Variants in SP100 observed in about 807,000 individuals in gnomAD.
SP100 encodes nuclear autoantigen Sp-100.
In SP100, 84 loss-of-function variants were observed where a neutral mutation model predicts 130.0. The observed-to-expected ratio is 0.65, with a 90% CI of 0.54 to 0.77. The LOEUF (loss-of-function observed/expected upper bound fraction) is 0.77, where lower values mean the gene tolerates loss of function less well. Ranked by LOEUF, SP100 falls within the 30% of genes least tolerant of loss-of-function variation. The pLI is 0.00. For missense variants in SP100, 978 were observed against 1,052.2 expected (o/e 0.93, Z 0.97); for synonymous variants, 331 against 351.7 (o/e 0.94, Z 0.66).
intron 10 of SP100, 129 bp from the exon 11 acceptor site, chr2:230,463,938 G>T: frequency 3.3e-6 from 2 of 612,592 alleles, no homozygotes; most frequent in Non-Finnish European, 6.0e-6. Flanking sequence ...GACAAGCATG[G>T]CCTGTGTACA....
At chr2:230,452,159 T>C (rs1174591408) in intron 8 of SP100, among the ~76,000 whole-genome samples, 1 of 152,214 alleles carries the variant, frequency 6.6e-6, no homozygotes, top group Admixed American at 6.5e-5. Flanking sequence ...TGTTTTTCTA[T>C]TTCTCAAAAA....
Position 230,544,122 on chromosome 2 carries a change from C to T in SP100, c.*1176C>T, listed in dbSNP as rs1473607436. The T allele has an allele frequency of 1.3e-5, 2 of 152,156 alleles. No homozygotes were observed. The highest frequency in any genetic ancestry group is 2.4e-5 in the African/African-American group (1 of 41,442). The allele number at this position is 152,156 out of a possible 1,614,324, so 9.4% of individuals were successfully genotyped here. A position where few individuals can be genotyped will look rare whatever the true frequency, so the allele number is the denominator to read the frequency against. On this transcript the variant is annotated 3_prime_UTR_variant, in exon 29 of 29. Coordinates refer to ENST00000340126, the MANE Select transcript of SP100 (RefSeq NM_001080391.2). ...AGATTGAAGCTAGACCTCTTCCTTA[C>T]ACCATATACAAAAATCAACTCAAGA...
intron 22 of SP100, 40 bp from the exon 23 acceptor site, chr2:230,507,953 G>T (rs542850851): frequency 1.5e-5 from 24 of 1,599,482 alleles, no homozygotes; most frequent in Admixed American, 3.4e-5. Flanking sequence ...CAAAATAAAA[G>T]CAAGAACCCA....
chr2:230,439,902 T>C lies in SP100; in HGVS notation c.108-3035T>C, dbSNP rs975451402. On this transcript the variant is annotated intron_variant, in intron 2 of 28. Coordinates refer to ENST00000340126, the MANE Select transcript of SP100 (RefSeq NM_001080391.2). Reference sequence around the variant, plus strand: ...TTCCCTTGTTTTATCTCTCTAAAAATGCAAACTATGTCTGCTTTTTATTTT... The same window carrying C: ...TTCCCTTGTTTTATCTCTCTAAAAACGCAAACTATGTCTGCTTTTTATTTT... 4.6e-5 allele frequency among the ~76,000 whole-genome samples: 7 copies of C among 152,174 alleles called. 1 individual carries two copies. The highest frequency in any genetic ancestry group is 4.6e-4 in the Admixed American group (7 of 15,284).
Position 230,513,634 on chromosome 2 carries a change from T to G in SP100, c.2094+2468T>G, listed in dbSNP as rs554239385. Among the ~76,000 whole-genome samples, 5 of 152,274 alleles carry G rather than the reference T, an allele frequency of 3.3e-5. No individual in the cohort carries two copies. In the South Asian group the frequency reaches 8.3e-4, roughly 25 times the overall value. Reference sequence around the variant, plus strand: ...GGCTTATTCCAGGAGGTCATGTCCCTCGGTGGGGGAAAAAAACCTTGTTAT... The same window carrying G: ...GGCTTATTCCAGGAGGTCATGTCCCGCGGTGGGGGAAAAAAACCTTGTTAT... On this transcript the variant is annotated intron_variant, in intron 24 of 28. Transcript: ENST00000340126.
chr2:230,455,577 A>C (rs1356576572), intron 8 of SP100, among the ~76,000 whole-genome samples: 2 of 152,046 alleles, frequency 1.3e-5, no homozygotes, highest in African/African-American at 4.8e-5. Context: ...TCATTCAGCC[A>C]CTCTATGTCT....
chr2:230,516,054 C>G, intron 24 of SP100: 6 of 989,878 alleles, frequency 6.1e-6, no homozygotes, highest in Non-Finnish European at 7.2e-6. Context: ...GTTTTGTTGA[C>G]ATTCTGAATG....
chr2:230,527,098 A>G (rs1438782889), intron 24 of SP100, among the ~76,000 whole-genome samples: 1 of 152,178 alleles, frequency 6.6e-6, no homozygotes, highest in Non-Finnish European at 1.5e-5. Flanking sequence ...CTCCTTGAGA[A>G]GAGCAACCAG....
At chr2:230,515,065 T>C (rs1310538798) in intron 24 of SP100, 1 of 1,610,348 alleles carries the variant, frequency 6.2e-7, no homozygotes, top group Non-Finnish European at 8.5e-7. Context: ...TGAAATGTTA[T>C]CATATGCATT....
intron 1 of SP100, 59 bp downstream of exon 1, chr2:230,416,387 C>G (rs1046560689): frequency 7.5e-6 from 11 of 1,457,824 alleles, no homozygotes; most frequent in African/African-American, 1.4e-5. Flanking sequence ...AGCTTTCATG[C>G]CTTTAGTTCA....
chr2:230,522,476 C>CTTTT (rs750389091), intron 24 of SP100, among the ~76,000 whole-genome samples: 11,394 of 81,904 alleles, frequency 0.14, 2,583 homozygotes, highest in African/African-American at 0.31. Flanking sequence ...CCCCAGTGTT[C>CTTTT]TTTTTTTTTT....
Position 230,474,448 on chromosome 2 carries a change from G to A in SP100, c.1600+1G>A, listed in dbSNP as rs757860761. On this transcript the variant is annotated splice_donor_variant, in intron 17 of 28. Coordinates refer to ENST00000340126, the MANE Select transcript of SP100 (RefSeq NM_001080391.2). LOFTEE classifies it high-confidence loss of function. ...TTGGAAAAACACAGTGGGAAAAGAA[G>A]TAAGAACAAATAAGAATTTACTTAA... 6.5e-6 allele frequency: 9 copies of A among 1,384,752 alleles called. No homozygotes were observed. In the East Asian group the frequency reaches 9.3e-5, roughly 14 times the overall value. The allele number at this position is 1,384,752 out of a possible 1,614,324, so 85.8% of individuals were successfully genotyped here.
chr2:230,478,742 C>T (rs1437631312), intron 17 of SP100, among the ~76,000 whole-genome samples: 3 of 152,020 alleles, frequency 2.0e-5, no homozygotes, highest in Admixed American at 6.5e-5. Context: ...AATGTAAGCC[C>T]GTGGAGCTCA....
intron 24 of SP100, among the ~76,000 whole-genome samples, chr2:230,528,341 G>A (rs1450639781): frequency 2.0e-5 from 3 of 152,180 alleles, no homozygotes; most frequent in Non-Finnish European, 2.9e-5. Context: ...GGTAAATAAC[G>A]AAATGAAGGC....
In SP100 at chr2:230,498,657, T is replaced by C. The variant is rs140737421; in HGVS notation, c.1720+122T>C. 546 of 478,908 alleles carry C rather than the reference T, an allele frequency of 1.1e-3. 4 individuals carry two copies. Among genetic ancestry groups the C allele is most frequent in the African/African-American group, 0.011 (521 of 49,202 alleles). 29.7% of individuals were successfully genotyped at this position (478,908 alleles called of 1,614,324 possible). A position where few individuals can be genotyped will look rare whatever the true frequency, so the allele number is the denominator to read the frequency against. ...TTACTGTTGAGAAATATATCAGATG[T>C]AGTCAAGTTCCAAAATATGTCAGGG... On this transcript the variant is annotated intron_variant, in intron 19 of 28. Coordinates refer to ENST00000340126, the MANE Select transcript of SP100 (RefSeq NM_001080391.2).
At chr2:230,511,274 T>C (rs972178520) in intron 24 of SP100, 108 bp downstream of exon 24, 2 of 820,586 alleles carry the variant, frequency 2.4e-6, no homozygotes, top group African/African-American at 3.4e-5. Context: ...AGTTGGAGTA[T>C]GTTGCTGTGT....
chr2:230,496,511 T>A (rs1357550858), intron 18 of SP100, among the ~76,000 whole-genome samples: 1 of 152,176 alleles, frequency 6.6e-6, no homozygotes. Context: ...GGAATGGTCC[T>A]CATACTATAT....
rs1334523965 is a variant in SP100 at position 230,467,203 on chromosome 2, C to T, written c.1279C>T (p.His427Tyr). Residue 427 changes from histidine (H) to tyrosine (Y), a missense_variant, in exon 13 of 29, where the codon CAT becomes TAT. Coordinates refer to ENST00000340126, the MANE Select transcript of SP100 (RefSeq NM_001080391.2). ...EASSGALRSK[H>Y]GEKAPMTSRS... The stretch of plus-strand genomic sequence containing the variant: ...CTCGAGCGGGGCACTGAGAAGCAAG[C>T]ATGGTGAGAAGGGTAAGAACAGCTC... 6 of 1,612,952 alleles carry T rather than the reference C, an allele frequency of 3.7e-6. No homozygotes were observed. The highest frequency in any genetic ancestry group is 5.1e-6 in the Non-Finnish European group (6 of 1,178,958).
chr2:230,432,244 A>T (rs1185990841), intron 2 of SP100, among the ~76,000 whole-genome samples: 1 of 152,136 alleles, frequency 6.6e-6, no homozygotes, highest in Non-Finnish European at 1.5e-5. Context: ...GCTGAATTGT[A>T]TTCCATTATA....
Sources: allele counts gnomAD v4.1 joint callset (sites outside exome capture counted in the v4.1 genomes callset), GRCh38; gene constraint gnomAD v4.1.1; transcripts MANE v1.5; gene names NCBI Gene and HGNC (gene_info 2026-07-23, HGNC 2026-07-21).